Variants in NCKAP5 observed in about 807,000 individuals in gnomAD.
NCKAP5 encodes the protein NCK associated protein 5.
In NCKAP5, 92 loss-of-function variants were observed where a neutral mutation model predicts 167.0. The observed-to-expected ratio is 0.55, with a 90% confidence interval of 0.47 to 0.66. The LOEUF (loss-of-function observed/expected upper bound fraction) is 0.66. Ranked by LOEUF, NCKAP5 falls within the 30% of genes least tolerant of loss-of-function variation. The pLI is 0.00. For missense variants in NCKAP5, 2,378 were observed against 2,315.0 expected, an observed-to-expected ratio of 1.03 and a Z score of -0.56; for synonymous variants, 891 against 877.4, an observed-to-expected ratio of 1.02 and a Z score of -0.27.
At chr2:133,625,405 A>C in the NCKAP5 span, among the ~76,000 whole-genome samples, 1 of 152,178 alleles carries the variant, frequency 6.6e-6, no homozygotes, top group Non-Finnish European at 1.5e-5. Flanking sequence ...TCTAAGTAAC[A>C]ATTTGCACCA....
intron 6 of NCKAP5, among the ~76,000 whole-genome samples, chr2:133,116,783 G>T (rs2082098378): frequency 6.6e-6 from 1 of 152,188 alleles, no homozygotes; most frequent in Non-Finnish European, 1.5e-5. Context: ...TAGTGGCTGT[G>T]TGGCCTTTGC....
At chr2:133,326,274 T>A (rs1682436441) in intron 3 of NCKAP5, among the ~76,000 whole-genome samples, 1 of 151,740 alleles carries the variant, frequency 6.6e-6, no homozygotes, top group Admixed American at 6.6e-5. Context: ...GCCAACACGG[T>A]GAAACCCTGT....
chr2:132,728,886 T>G lies in NCKAP5; in HGVS notation c.5510A>C (p.Tyr1837Ser). 6.2e-7 allele frequency: 1 copy of G among 1,614,034 alleles called. No individual in the cohort carries two copies. Among genetic ancestry groups the G allele is most frequent in the East Asian group, 2.2e-5 (1 of 44,882 alleles). Residue 1837 changes from tyrosine (Y) to serine (S), a missense_variant, in exon 18 of 20, where the codon TAT becomes TCT. Tyr to Ser is a moderately radical substitution (Grantham distance 144). Coordinates refer to ENST00000409261, the MANE Select transcript of NCKAP5 (RefSeq NM_207363.3). Reference sequence around the variant, plus strand: ...CTGGCTTGCCATTGGGTCTTCAGCATATCCGAATGATGAGCATGTCTGAGG... The same window carrying G: ...CTGGCTTGCCATTGGGTCTTCAGCAGATCCGAATGATGAGCATGTCTGAGG... The part of the protein sequence containing the change: ...PRPQTCSSFG[Y>S]AEDPMASQPL...
intron 6 of NCKAP5, among the ~76,000 whole-genome samples, chr2:133,008,891 T>C (rs2078060145): frequency 6.6e-6 from 1 of 152,198 alleles, no homozygotes; most frequent in Admixed American, 6.5e-5. Flanking sequence ...GGTATTTGGA[T>C]AGAAATTTTT....
chr2:133,035,080 G>A (rs575218955), intron 6 of NCKAP5, among the ~76,000 whole-genome samples: 4 of 151,954 alleles, frequency 2.6e-5, no homozygotes, highest in Non-Finnish European at 5.9e-5. Context: ...GATATTCCAT[G>A]CCAAAGGAAA....
At chr2:132,685,879 T>C (rs1685873022) in intron 19 of NCKAP5, among the ~76,000 whole-genome samples, 1 of 152,140 alleles carries the variant, frequency 6.6e-6, no homozygotes, top group Non-Finnish European at 1.5e-5. Flanking sequence ...GTCCAATCTA[T>C]GGACAGCTGA....
chr2:132,714,933 G>T, intron 19 of NCKAP5: 1 of 452,040 alleles, frequency 2.2e-6, no homozygotes, highest in Non-Finnish European at 4.4e-6. Context: ...TGGGTTTCTA[G>T]GTTCTTGGAG....
chr2:133,350,801 A>T (rs1684309204), intron 3 of NCKAP5, among the ~76,000 whole-genome samples: 1 of 151,940 alleles, frequency 6.6e-6, no homozygotes, highest in Admixed American at 6.6e-5. Context: ...GGATGGGAGG[A>T]GGATGCATAA....
At chr2:132,989,684 T>C (rs1269052716) in intron 7 of NCKAP5, among the ~76,000 whole-genome samples, 1 of 152,198 alleles carries the variant, frequency 6.6e-6, no homozygotes, top group Admixed American at 6.5e-5. Flanking sequence ...AGACAGTGAC[T>C]TTGTGACCTG....
intron 3 of NCKAP5, among the ~76,000 whole-genome samples, chr2:133,390,737 C>G (rs967663129): frequency 3.3e-5 from 5 of 152,026 alleles, no homozygotes; most frequent in Non-Finnish European, 7.4e-5. Context: ...GTGTGTGTGC[C>G]TGTGTACACC....
At chr2:133,012,033 T>C (rs2078177533) in intron 6 of NCKAP5, among the ~76,000 whole-genome samples, 1 of 152,128 alleles carries the variant, frequency 6.6e-6, no homozygotes, top group African/African-American at 2.4e-5. Context: ...CTCCACCGGA[T>C]CTTCTTTATC....
intron 5 of NCKAP5, among the ~76,000 whole-genome samples, chr2:133,179,325 C>T (rs2084630717): frequency 6.6e-6 from 1 of 151,432 alleles, no homozygotes; most frequent in African/African-American, 2.4e-5. Flanking sequence ...CAAGCATTTC[C>T]TTTAGGTGGT....
chr2:133,390,259 T>C (rs1347911808), intron 3 of NCKAP5, among the ~76,000 whole-genome samples: 1 of 152,172 alleles, frequency 6.6e-6, no homozygotes. Flanking sequence ...AAAGACTCCT[T>C]CCAGTGTCTT....
intron 2 of NCKAP5, among the ~76,000 whole-genome samples, chr2:133,528,247 T>C (rs1426046725): frequency 6.6e-6 from 1 of 152,114 alleles, no homozygotes; most frequent in African/African-American, 2.4e-5. Context: ...TACACACACA[T>C]ATAGTCATTT....
intron 3 of NCKAP5, among the ~76,000 whole-genome samples, chr2:133,486,301 G>C (rs1680899076): frequency 6.6e-6 from 1 of 152,184 alleles, no homozygotes; most frequent in South Asian, 2.1e-4. Flanking sequence ...TTTTAAAGAA[G>C]AAAGGTCTTA....
At chr2:132,920,771 G>GTATATATATATGTA (rs1695335035) in intron 8 of NCKAP5, among the ~76,000 whole-genome samples, 2 of 31,570 alleles carry the variant, frequency 6.3e-5, no homozygotes, top group Admixed American at 4.4e-4. Flanking sequence ...ATATATGTAT[G>GTATATATATATGTA]TATATATATA....
chr2:133,317,793 A>T (rs1286228712), intron 3 of NCKAP5, among the ~76,000 whole-genome samples: 1 of 152,188 alleles, frequency 6.6e-6, no homozygotes, highest in Non-Finnish European at 1.5e-5. Flanking sequence ...CAACACCAGG[A>T]CTGGTATAAT....
chr2:132,848,841 T>C (rs768255091), intron 11 of NCKAP5, among the ~76,000 whole-genome samples: 22 of 152,000 alleles, frequency 1.4e-4, no homozygotes, highest in Non-Finnish European at 2.6e-4. Flanking sequence ...CTCCAAAAGA[T>C]ACAATAAAAT....
chr2:132,750,483 T>C (rs1290771278), intron 16 of NCKAP5, among the ~76,000 whole-genome samples: 1 of 152,148 alleles, frequency 6.6e-6, no homozygotes, highest in African/African-American at 2.4e-5. Flanking sequence ...TGAAAAGGCA[T>C]TGAAGAAGCT....
Sources: gnomAD v4.1 joint callset for allele counts (sites outside exome capture counted in the v4.1 genomes callset) on GRCh38, gnomAD v4.1.1 for gene constraint, MANE v1.5 for transcripts, NCBI Gene and HGNC (gene_info 2026-07-23, HGNC 2026-07-21) for gene names.